The following MYO9A variants were observed in gnomAD, a reference collection of about 807,000 sequenced individuals.
MYO9A encodes unconventional myosin-IXa.
In MYO9A, 103 loss-of-function variants were observed where a neutral mutation model predicts 293.3. The ratio of observed to expected loss-of-function variants is 0.35; its 90% CI spans 0.30 to 0.41. The LOEUF is 0.41. Among genes scored for constraint, MYO9A ranks in the 10% least tolerant of loss-of-function variants. The pLI is 1.00. For missense variants in MYO9A, 2,685 were observed against 3,033.0 expected (o/e 0.89, Z 2.69); for synonymous variants, 1,001 against 1,035.7 (o/e 0.97, Z 0.64).
chr15:71,941,592 T>C (rs1363773461), intron 15 of MYO9A, among the ~76,000 whole-genome samples: 2 of 152,154 alleles, frequency 1.3e-5, no homozygotes, highest in South Asian at 4.1e-4. Context: ...AAAGAAATTG[T>C]AGCAGAAAAA....
chr15:71,933,698 T>A lies in MYO9A; in HGVS notation c.2534A>T (p.Asn845Ile). The A allele has an allele frequency of 2.5e-6, 4 of 1,607,562 alleles. No individual in the cohort carries two copies. Among genetic ancestry groups the A allele is most frequent in the Non-Finnish European group, 3.4e-6 (4 of 1,177,572 alleles). ...RAHGILTRNK[N>I]FKSKPALPKH... is the part of the protein sequence containing the mutation. Reference sequence around the variant, plus strand: ...TGGAAGGGCAGGCTTGGATTTGAAATTTTTGTTTCTCCTATAGAGATAAAT... The same window carrying A: ...TGGAAGGGCAGGCTTGGATTTGAAAATTTTGTTTCTCCTATAGAGATAAAT... Residue 845 changes from asparagine to isoleucine, a missense_variant, in exon 18 of 42, where the codon AAT (asparagine) becomes ATT (isoleucine). Transcript: ENST00000356056.
intron 2 of MYO9A, among the ~76,000 whole-genome samples, chr15:72,032,829 C>T (rs2149437283): frequency 6.6e-6 from 1 of 152,000 alleles, no homozygotes; most frequent in East Asian, 1.9e-4. Context: ...GTAAAATAAA[C>T]CATAATTTTA....
At position 72,090,774 on chromosome 15, in the gene MYO9A, C is replaced by A. The variant is rs1362048786; in HGVS notation, c.-72+26906G>T. Among the ~76,000 whole-genome samples, 3 of 152,060 alleles carry A rather than the reference C, an allele frequency of 2.0e-5. No homozygotes were observed. The East Asian group carries it at 5.8e-4, about 29-fold the overall frequency. On this transcript the variant is annotated intron_variant, in intron 1 of 41. Transcript: ENST00000356056. ...GTGAAATCTTGGAAAGATAATAAAC[C>A]ACCTTCCCTAAATGTTTATATTCTT...
chr15:71,842,190 AG>A (rs1407646974), intron 39 of MYO9A, among the ~76,000 whole-genome samples: 1 of 150,512 alleles, frequency 6.6e-6, no homozygotes, highest in Non-Finnish European at 1.5e-5. Flanking sequence ...CTGGCCAACA[AG>A]GCAAAACCCC....
intron 11 of MYO9A, 55 bp from the exon 12 acceptor site, chr15:71,978,347 T>C (rs986286772): frequency 1.4e-6 from 2 of 1,457,608 alleles, no homozygotes; most frequent in African/African-American, 1.4e-5. Flanking sequence ...AAAATAGGTA[T>C]ATAATATAGA....
At chr15:71,945,504 G>C (rs2058890258) in intron 15 of MYO9A, among the ~76,000 whole-genome samples, 2 of 152,136 alleles carry the variant, frequency 1.3e-5, no homozygotes, top group African/African-American at 4.8e-5. Flanking sequence ...CATCTAGGAG[G>C]CTGGCTGCCA....
intron 39 of MYO9A, among the ~76,000 whole-genome samples, chr15:71,831,859 T>A (rs900719965): frequency 6.6e-6 from 1 of 152,016 alleles, no homozygotes; most frequent in Non-Finnish European, 1.5e-5. Context: ...GGCTATCAGA[T>A]TTAAAATAAC....
At chr15:72,005,723 A>G (rs566496629) in intron 8 of MYO9A, among the ~76,000 whole-genome samples, 10 of 152,302 alleles carry the variant, frequency 6.6e-5, no homozygotes, top group South Asian at 4.2e-4. Context: ...GGTTAGATAA[A>G]TAAGAAAGAG....
At chr15:71,887,468 G>T (rs916213295) in intron 27 of MYO9A, among the ~76,000 whole-genome samples, 1 of 152,098 alleles carries the variant, frequency 6.6e-6, no homozygotes, top group Non-Finnish European at 1.5e-5. Flanking sequence ...AAAATCACTG[G>T]AGACAGTGTA....
In MYO9A at chr15:71,852,227, A is replaced by G; in HGVS notation, c.6380T>C (p.Ile2127Thr). The G allele has an allele frequency of 6.2e-7, 1 of 1,613,236 alleles. No homozygotes were observed. The highest frequency in any genetic ancestry group is 1.7e-5 in the Admixed American group (1 of 60,012). Residue 2127 changes from isoleucine (I) to threonine (T), a missense_variant, in exon 36 of 42, where the codon ATA becomes ACA. Physicochemically the swap from Ile to Thr is moderately conservative, Grantham distance 89 (BLOSUM62 -1). This residue lies in a region of MYO9A where 238 missense variants were observed against 269.1 expected (regional missense o/e 0.88). Coordinates refer to ENST00000356056, the MANE Select transcript of MYO9A (RefSeq NM_006901.4). ...TTTGAATACACTTGCAATGACGTGT[A>G]TGTTATAGTCATCTAGATTTACACT... is the stretch of plus-strand genomic sequence containing the variant. ...AESVNLDDYN[I>T]HVIASVFKQW...
Position 71,951,877 on chromosome 15 carries a change from T to C in MYO9A, c.2202A>G (p.Pro734=), listed in dbSNP as rs770949724. Residue 734 remains proline (P), a synonymous_variant, in exon 15 of 42, where the codon CCA becomes CCG. Coordinates refer to ENST00000356056, the MANE Select transcript of MYO9A (RefSeq NM_006901.4). ...TATCCATACTTTTCAAAATTGCACATGGCGCTGTATCATCATGTCCTTAGG... is the reference window on the plus strand; with the variant it reads ...TATCCATACTTTTCAAAATTGCACACGGCGCTGTATCATCATGTCCTTAGG... ...HRKTGHDDTA[P]CAILKSMDSF... The C allele has an allele frequency of 1.9e-6, 3 of 1,606,884 alleles. No homozygotes were observed. The highest frequency in any genetic ancestry group is 1.7e-5 in the Admixed American group (1 of 58,772).
At chr15:71,872,922 T>C (rs2056562865) in intron 32 of MYO9A, among the ~76,000 whole-genome samples, 1 of 151,934 alleles carries the variant, frequency 6.6e-6, no homozygotes, top group African/African-American at 2.4e-5. Flanking sequence ...CTTTTTTTTT[T>C]CTTTTTTTGA....
intron 13 of MYO9A, among the ~76,000 whole-genome samples, chr15:71,960,982 CTATT>C (rs2075725416): frequency 6.6e-6 from 1 of 152,126 alleles, no homozygotes; most frequent in Non-Finnish European, 1.5e-5. Context: ...AATAAATAGG[CTATT>C]TAGACTCTGA....
chr15:71,969,556 T>C (rs997417460), intron 12 of MYO9A, among the ~76,000 whole-genome samples: 1 of 152,214 alleles, frequency 6.6e-6, no homozygotes, highest in African/African-American at 2.4e-5. Flanking sequence ...CAAACTTATA[T>C]CTCACTACTT....
chr15:71,969,811 CA>C (rs909226724), intron 12 of MYO9A, among the ~76,000 whole-genome samples: 18 of 145,944 alleles, frequency 1.2e-4, no homozygotes, highest in Admixed American at 3.4e-4. Context: ...CATTACCAGG[CA>C]AAAAAAAAAA....
chr15:71,833,017 T>C (rs1397623863), intron 39 of MYO9A, among the ~76,000 whole-genome samples: 1 of 147,442 alleles, frequency 6.8e-6, no homozygotes, highest in African/African-American at 2.5e-5. Flanking sequence ...AAAGAAAAAA[T>C]GGAATAAAAA....
chr15:72,043,028 C>T (rs2078272304), intron 2 of MYO9A, among the ~76,000 whole-genome samples: 1 of 151,776 alleles, frequency 6.6e-6, no homozygotes, highest in Non-Finnish European at 1.5e-5. Context: ...ATGATGACAC[C>T]ACTACACTCC....
chr15:71,840,845 A>G (rs539669197), intron 39 of MYO9A, among the ~76,000 whole-genome samples: 10 of 152,244 alleles, frequency 6.6e-5, no homozygotes, highest in African/African-American at 2.4e-4. Flanking sequence ...GTTAGCCAGG[A>G]TGGTCTCGAC....
chr15:71,948,813 A>G (rs932973469), intron 15 of MYO9A, among the ~76,000 whole-genome samples: 1 of 152,188 alleles, frequency 6.6e-6, no homozygotes, highest in African/African-American at 2.4e-5. Context: ...CTACATGATA[A>G]CAGGACATTG....
Sources: gnomAD v4.1 joint callset for allele counts (sites outside exome capture counted in the v4.1 genomes callset) on GRCh38, gnomAD v4.1.1 for gene constraint, gnomAD v4.1.1 regional missense constraint, MANE v1.5 for transcripts, NCBI Gene and HGNC (gene_info 2026-07-23, HGNC 2026-07-21) for gene names.